Variants in EIPR1 observed in about 807,000 individuals in gnomAD.
The protein encoded by EIPR1 is EARP and GARP complex-interacting protein 1.
EIPR1 carries 25 observed loss-of-function variants against 48.1 expected under a neutral mutation model. That is an observed-to-expected ratio of 0.52 (90% CI 0.38 to 0.73). EIPR1 has a LOEUF of 0.73. EIPR1 is among the 30% of genes least tolerant of loss of function. The pLI, the probability that EIPR1 is intolerant of heterozygous loss-of-function variation, is 0.00. For synonymous variants in EIPR1, 204 were observed against 201.9 expected, an observed-to-expected ratio of 1.01 and a Z score of -0.09; for missense variants, 415 against 506.2, an observed-to-expected ratio of 0.82 and a Z score of 1.73.
chr2:3,273,030 C>T (rs574970461), intron 3 of EIPR1, among the ~76,000 whole-genome samples: 34 of 152,306 alleles, frequency 2.2e-4, no homozygotes, highest in East Asian at 1.9e-3. Context: ...GAGCTATCTA[C>T]GCGAAAACAG....
At chr2:3,356,109 T>TG (rs966187778) in intron 1 of EIPR1, among the ~76,000 whole-genome samples, 1 of 152,166 alleles carries the variant, frequency 6.6e-6, no homozygotes, top group African/African-American at 2.4e-5. Context: ...GCCAATCCAA[T>TG]GGGGAGCTCT....
intron 4 of EIPR1, among the ~76,000 whole-genome samples, chr2:3,250,942 T>C (rs575061938): frequency 1.4e-5 from 2 of 144,104 alleles, no homozygotes; most frequent in East Asian, 2.0e-4. Context: ...AATAAACCTC[T>C]TTTTTTTTTT....
chr2:3,238,422 T>C (rs1172886587), intron 4 of EIPR1, among the ~76,000 whole-genome samples: 2 of 152,166 alleles, frequency 1.3e-5, no homozygotes. Flanking sequence ...CCCAGAGCCC[T>C]GGGCTGTGGG....
chr2:3,263,694 C>T (rs185115675), intron 3 of EIPR1, among the ~76,000 whole-genome samples: 1 of 152,032 alleles, frequency 6.6e-6, no homozygotes, highest in Non-Finnish European at 1.5e-5. Context: ...GGACGCGGCA[C>T]GGTGCGGCCA....
intron 4 of EIPR1, among the ~76,000 whole-genome samples, chr2:3,217,617 G>C (rs1033468057): frequency 1.3e-5 from 2 of 152,192 alleles, no homozygotes; most frequent in Non-Finnish European, 2.9e-5. Context: ...AGAGATGTTC[G>C]TCACATCCCA....
At chr2:3,230,520 T>A (rs1666210144) in intron 4 of EIPR1, among the ~76,000 whole-genome samples, 1 of 152,242 alleles carries the variant, frequency 6.6e-6, no homozygotes, top group South Asian at 2.1e-4. Context: ...GGCATCATAT[T>A]CATGCTCAAA....
intron 3 of EIPR1, among the ~76,000 whole-genome samples, chr2:3,314,749 G>A (rs1669233289): frequency 6.6e-6 from 1 of 151,822 alleles, no homozygotes; most frequent in African/African-American, 2.4e-5. Flanking sequence ...CCTGCAGAAA[G>A]CTCTCTCCCC....
chr2:3,287,375 A>G (rs950517552), intron 3 of EIPR1, among the ~76,000 whole-genome samples: 1 of 152,004 alleles, frequency 6.6e-6, no homozygotes, highest in African/African-American at 2.4e-5. Context: ...ACTACGCTCC[A>G]GAAAGCTTGT....
chr2:3,206,113 AAAGAAAAGG>A (rs1305733337), intron 5 of EIPR1, among the ~76,000 whole-genome samples: 7 of 152,274 alleles, frequency 4.6e-5, no homozygotes, highest in Admixed American at 2.0e-4. Context: ...TGCAGAAGAA[AAAGAAAAGG>A]AAGAGGATCT....
At chr2:3,218,308 T>A (rs1387006340) in intron 4 of EIPR1, among the ~76,000 whole-genome samples, 158 of 81,496 alleles carry the variant, frequency 1.9e-3, no homozygotes, top group African/African-American at 2.8e-3. Flanking sequence ...ACTCTAGAGC[T>A]TTCACAGTGA....
At chr2:3,372,898 G>T (rs1231876366) in intron 1 of EIPR1, among the ~76,000 whole-genome samples, 1 of 152,088 alleles carries the variant, frequency 6.6e-6, no homozygotes, top group African/African-American at 2.4e-5. Flanking sequence ...GCATCATCCT[G>T]ATACCAAAGC....
chr2:3,302,057 C>T (rs1435071444), intron 3 of EIPR1, among the ~76,000 whole-genome samples: 3 of 152,178 alleles, frequency 2.0e-5, no homozygotes, highest in Non-Finnish European at 4.4e-5. Flanking sequence ...CCTGAGGCCA[C>T]GCCAGCAGTG....
chr2:3,339,541 C>T (rs1437768054), intron 2 of EIPR1, among the ~76,000 whole-genome samples: 5 of 152,160 alleles, frequency 3.3e-5, no homozygotes, highest in Admixed American at 3.3e-4. Flanking sequence ...GACGTGAGGC[C>T]TGGCGGGAGG....
Position 3,235,463 on chromosome 2 carries a change from C to CA in EIPR1, c.417-21216_417-21215insT, listed in dbSNP as rs1553285041. ...ACGCGTGCGCGCACACACACACACA[C>CA]CCCCCAATAGCCAGAGCTCTCAGCG... On this transcript the variant is annotated intron_variant, in intron 4 of 8. Transcript: ENST00000382125. Among the ~76,000 whole-genome samples, 3 of 2,452 alleles carry CA rather than the reference C, an allele frequency of 1.2e-3. No individual in the cohort carries two copies. The Non-Finnish European group carries it at 0.017, about 14-fold the overall frequency. The allele number at this position is 2,452 out of a possible 152,430, so 1.6% of individuals were successfully genotyped here.
chr2:3,287,221 TCGTTCACCACAATCCAGAAAGC>T (rs1558274474), intron 3 of EIPR1, among the ~76,000 whole-genome samples: 5 of 71,688 alleles, frequency 7.0e-5, no homozygotes, highest in Non-Finnish European at 1.6e-4. Context: ...TCCAGAAAGC[TCGTTCACCACAATCCAGAAAGC>T]TCGTTCACCA....
chr2:3,279,654 G>A (rs1558269434), intron 3 of EIPR1, among the ~76,000 whole-genome samples: 1 of 152,248 alleles, frequency 6.6e-6, no homozygotes, highest in Non-Finnish European at 1.5e-5. Flanking sequence ...CTCAACAGAA[G>A]CGAGTTTAAA....
chr2:3,269,904 A>C (rs988513459), intron 3 of EIPR1, among the ~76,000 whole-genome samples: 4 of 152,234 alleles, frequency 2.6e-5, no homozygotes, highest in Non-Finnish European at 5.9e-5. Context: ...GCGAATGAAG[A>C]GGAGCACCAT....
In EIPR1 at chr2:3,334,503, G is replaced by A. The variant is rs79876357; in HGVS notation, c.259+3514C>T. Among the ~76,000 whole-genome samples the A allele has an allele frequency of 4.1e-3, 624 of 152,344 alleles. 2 individuals carry two copies. Among genetic ancestry groups the A allele is most frequent in the Non-Finnish European group, 6.0e-3 (405 of 68,034 alleles). On this transcript the variant is annotated intron_variant, in intron 3 of 8. Coordinates refer to ENST00000382125, the MANE Select transcript of EIPR1 (RefSeq NM_003310.5). Reference sequence around the variant, plus strand: ...TAGGTCTGTGACTCCAGGCTTTTCCGGAGGCACCTGAAGCAGGAGGGCCTG... The same window carrying A: ...TAGGTCTGTGACTCCAGGCTTTTCCAGAGGCACCTGAAGCAGGAGGGCCTG...
rs1491346752 is a variant in EIPR1 at position 3,225,220 on chromosome 2, A to ATG, written c.417-10973_417-10972insCA. Among the ~76,000 whole-genome samples, 182 of 90,414 alleles carry ATG rather than the reference A, an allele frequency of 2.0e-3. 1 individual carries two copies. The highest frequency in any genetic ancestry group is 0.016 in the Middle Eastern group (3 of 186). The allele number at this position is 90,414 out of a possible 152,430, so 59.3% of individuals were successfully genotyped here. A position where few individuals can be genotyped will look rare whatever the true frequency, so the allele number is the denominator to read the frequency against. ...GTGTATATTTAGGTAGTACACTGTG[A>ATG]TATGTGTGTGTGTGTGTGTGTGTGT... is the stretch of plus-strand genomic sequence containing the variant. On this transcript the variant is annotated intron_variant, in intron 4 of 8. Coordinates refer to ENST00000382125, the MANE Select transcript of EIPR1 (RefSeq NM_003310.5).
Sources: allele counts gnomAD v4.1 joint callset (sites outside exome capture counted in the v4.1 genomes callset), GRCh38; gene constraint gnomAD v4.1.1; transcripts MANE v1.5; gene names NCBI Gene and HGNC (gene_info 2026-07-23, HGNC 2026-07-21).